The following SLC25A24 variants were observed in gnomAD, a reference collection of about 807,000 sequenced individuals.
SLC25A24 encodes the protein solute carrier family 25 member 24, also known as mitochondrial adenyl nucleotide antiporter SLC25A24.
In SLC25A24, 49 loss-of-function variants were observed where a neutral mutation model predicts 60.7. That is an observed-to-expected ratio of 0.81 (90% CI 0.64 to 1.02). The LOEUF is 1.02. SLC25A24 is among the 50% of genes least tolerant of loss of function. The probability of loss-of-function intolerance (pLI) is 0.00; values close to 1 mark genes in which losing one functional copy is unlikely to be tolerated. For synonymous variants in SLC25A24, 202 were observed against 200.6 expected, an observed-to-expected ratio of 1.01 and a Z score of -0.06; for missense variants, 564 against 586.3, an observed-to-expected ratio of 0.96 and a Z score of 0.39.
chr1:108,143,790 G>A, intron 7 of SLC25A24, 80 bp from the exon 8 acceptor site: 1 of 1,059,934 alleles, frequency 9.4e-7, no homozygotes, highest in South Asian at 1.5e-5. Flanking sequence ...ATTTTACATG[G>A]AACAAATACC....
At chr1:108,159,408 A>G (rs953851070) in intron 4 of SLC25A24, among the ~76,000 whole-genome samples, 8 of 151,890 alleles carry the variant, frequency 5.3e-5, no homozygotes, top group African/African-American at 1.9e-4. Context: ...CAGCTTATTC[A>G]TCAAGGTGGT....
chr1:108,167,008 C>T (rs547356808), intron 3 of SLC25A24, among the ~76,000 whole-genome samples: 30 of 151,796 alleles, frequency 2.0e-4, no homozygotes, highest in South Asian at 1.9e-3. Flanking sequence ...TTCCTTCTAA[C>T]AGACAGGACC....
chr1:108,171,529 G>C (rs575619085), intron 3 of SLC25A24, among the ~76,000 whole-genome samples: 122 of 152,248 alleles, frequency 8.0e-4, no homozygotes, highest in African/African-American at 2.8e-3. Context: ...GCTGCCTCCA[G>C]GGCTGTATAT....
chr1:108,157,688 AGAG>A, intron 4 of SLC25A24, 68 bp from the exon 5 acceptor site: 1 of 1,537,250 alleles, frequency 6.5e-7, no homozygotes, highest in Admixed American at 1.9e-5. Context: ...GTTTTGTTTT[AGAG>A]AAGAATCATG....
At chr1:108,199,895 G>T (rs761017948) in intron 1 of SLC25A24, 61 bp downstream of exon 1, 215 of 1,342,838 alleles carry the variant, frequency 1.6e-4, no homozygotes, top group Non-Finnish European at 1.9e-4. Flanking sequence ...CTCGGTCCTC[G>T]CAGTGTCCCC....
At position 108,161,796 on chromosome 1, in the gene SLC25A24, C is replaced by CT. The variant is rs976367644; in HGVS notation, c.399-504dup. Among the ~76,000 whole-genome samples, 837 of 148,514 alleles carry CT rather than the reference C, an allele frequency of 5.6e-3. 6 individuals are homozygous for CT. The highest frequency in any genetic ancestry group is 0.02 in the African/African-American group (809 of 40,538). ...ACTGTCAGTGACTGTGCCTTTGAGT[C>CT]TTTTTTTTTTATTATTATACTTTAA... On this transcript the variant is annotated intron_variant, in intron 3 of 9. Transcript: ENST00000565488.
intron 1 of SLC25A24, among the ~76,000 whole-genome samples, chr1:108,189,784 C>CA (rs1648280126): frequency 7.1e-6 from 1 of 140,958 alleles, no homozygotes; most frequent in Admixed American, 7.5e-5. Context: ...CCCCTGCACT[C>CA]AGCCTGGGTG....
chr1:108,136,651 C>G lies in SLC25A24; in HGVS notation c.*2G>C, dbSNP rs760226357. The stretch of plus-strand genomic sequence containing the variant: ...TATCAGGCTAAAGCAAAAAATGCAA[C>G]ATCATTTCTGGGTTACTCCTAAAGT... On this transcript the variant is annotated 3_prime_UTR_variant, in exon 10 of 10. Transcript: ENST00000565488. 6.2e-7 allele frequency: 1 copy of G among 1,608,908 alleles called. No homozygotes were observed. The highest frequency in any genetic ancestry group is 8.5e-7 in the Non-Finnish European group (1 of 1,176,758).
At chr1:108,193,256 G>T (rs923257568) in intron 1 of SLC25A24, among the ~76,000 whole-genome samples, 1 of 138,302 alleles carries the variant, frequency 7.2e-6, no homozygotes, top group African/African-American at 2.5e-5. Context: ...TGATACTGGG[G>T]TTTGAGCTCC....
rs541538252 is a variant in SLC25A24, at chr1:108,160,542, C to T, written c.510+640G>A. Among the ~76,000 whole-genome samples, 39 of 152,172 alleles carry T rather than the reference C, an allele frequency of 2.6e-4. No individual in the cohort carries two copies. The South Asian group carries it at 2.9e-3, about 11-fold the overall frequency. Reference sequence around the variant, plus strand: ...GCAGAGACGCTCCTCACTTCCCAGACGGGGTGGCGGCTGGGCAGAGGCTGC... The same window carrying T: ...GCAGAGACGCTCCTCACTTCCCAGATGGGGTGGCGGCTGGGCAGAGGCTGC... On this transcript the variant is annotated intron_variant, in intron 4 of 9. Coordinates refer to ENST00000565488, the MANE Select transcript of SLC25A24 (RefSeq NM_013386.5).
At position 108,135,969 on chromosome 1, in the gene SLC25A24, T is replaced by C. The variant is rs1679271922; in HGVS notation, c.*684A>G. On this transcript the variant is annotated 3_prime_UTR_variant, in exon 10 of 10. Coordinates refer to ENST00000565488, the MANE Select transcript of SLC25A24 (RefSeq NM_013386.5). ...ACGGAATCTTTCAAATAAATTGCCT[T>C]GTGTTGGTAATTTAACAGTAATATA... 1 of 152,204 alleles carries C rather than the reference T, an allele frequency of 6.6e-6. No individual in the cohort carries two copies. The highest frequency in any genetic ancestry group is 2.4e-5 in the African/African-American group (1 of 41,452). 9.4% of individuals were successfully genotyped at this position (152,204 alleles called of 1,614,324 possible). A position where few individuals can be genotyped will look rare whatever the true frequency, so the allele number is the denominator to read the frequency against.
intron 7 of SLC25A24, 124 bp downstream of exon 7, chr1:108,148,155 C>T: frequency 1.4e-6 from 1 of 696,734 alleles, no homozygotes; most frequent in Non-Finnish European, 2.6e-6. Flanking sequence ...AGATTCCTGA[C>T]CCAGAGAAAC....
chr1:108,188,596 G>A (rs145124837), intron 1 of SLC25A24, among the ~76,000 whole-genome samples: 17 of 152,270 alleles, frequency 1.1e-4, no homozygotes, highest in African/African-American at 2.9e-4. Flanking sequence ...AATAGTCACC[G>A]ACCAAAAGGG....
In SLC25A24 at chr1:108,200,301, AGG is replaced by A; in HGVS notation, c.-165_-164del. ...CTGCGGCGCGCAGGGCGCAGGGCGC[AGG>A]AGCGGAGACCCCACCCGAGCCCGCG... is the stretch of plus-strand genomic sequence containing the variant. On this transcript the variant is annotated 5_prime_UTR_variant, in exon 1 of 10. Transcript: ENST00000565488. 9.7e-6 allele frequency: 5 copies of A among 515,518 alleles called. No individual in the cohort carries two copies. Among genetic ancestry groups the A allele is most frequent in the Non-Finnish European group, 1.5e-5 (5 of 343,136 alleles). The allele number at this position is 515,518 out of a possible 1,614,324, so 31.9% of individuals were successfully genotyped here.
At chr1:108,164,477 A>T (rs1207528971) in intron 3 of SLC25A24, among the ~76,000 whole-genome samples, 3 of 151,928 alleles carry the variant, frequency 2.0e-5, no homozygotes, top group African/African-American at 7.3e-5. Context: ...AGATCCTGTT[A>T]TTGGTCTATT....
At chr1:108,171,011 T>G (rs1647441776) in intron 3 of SLC25A24, among the ~76,000 whole-genome samples, 1 of 152,158 alleles carries the variant, frequency 6.6e-6, no homozygotes, top group Non-Finnish European at 1.5e-5. Context: ...CACATTTTAG[T>G]GGAGTTTTAC....
intron 1 of SLC25A24, 162 bp downstream of exon 1, chr1:108,199,794 C>T: frequency 1.6e-6 from 1 of 611,636 alleles, no homozygotes; most frequent in Non-Finnish European, 2.9e-6. Flanking sequence ...TCGCCGGTCG[C>T]GGCCCCACGC....
At chr1:108,168,672 CTT>C (rs1320712291) in intron 3 of SLC25A24, among the ~76,000 whole-genome samples, 6 of 152,144 alleles carry the variant, frequency 3.9e-5, no homozygotes, top group African/African-American at 1.4e-4. Context: ...CTGTTCATGT[CTT>C]TGCCCGTTTT....
At chr1:108,141,938 A>G (rs1006574059) in intron 8 of SLC25A24, among the ~76,000 whole-genome samples, 6 of 152,222 alleles carry the variant, frequency 3.9e-5, no homozygotes, top group African/African-American at 1.4e-4. Flanking sequence ...GTTGCACAAC[A>G]AACCACAAAC....
Sources: gnomAD v4.1 joint callset for allele counts (sites outside exome capture counted in the v4.1 genomes callset) on GRCh38, gnomAD v4.1.1 for gene constraint, MANE v1.5 for transcripts, NCBI Gene and HGNC (gene_info 2026-07-23, HGNC 2026-07-21) for gene names.